Variants in PCNX3 observed in about 807,000 individuals in gnomAD.
The protein encoded by PCNX3 is pecanex-like protein 3.
In PCNX3, 58 loss-of-function variants were observed where a neutral mutation model predicts 207.2. The ratio of observed to expected loss-of-function variants is 0.28; its 90% CI spans 0.23 to 0.35. The LOEUF is 0.35. Ranked by LOEUF, PCNX3 falls within the 10% of genes least tolerant of loss-of-function variation. The probability of loss-of-function intolerance (pLI) is 1.00; values close to 1 mark genes in which losing one functional copy is unlikely to be tolerated. For missense variants in PCNX3, 2,410 were observed against 2,774.4 expected (o/e 0.87, Z 2.95); for synonymous variants, 1,337 against 1,183.5 (o/e 1.13, Z -2.66).
chr11:65,627,184 C>T (rs899137221), intron 21 of PCNX3, 136 bp downstream of exon 21: 132 of 1,293,930 alleles, frequency 1.0e-4, no homozygotes, highest in Non-Finnish European at 1.2e-4. Context: ...GCTCCTGACA[C>T]GCCATCCCAG....
Position 65,635,786 on chromosome 11 carries a change from C to G in PCNX3, c.5442C>G (p.Leu1814=), listed in dbSNP as rs759678570. The G allele has an allele frequency of 1.9e-6, 3 of 1,603,602 alleles. No individual in the cohort carries two copies. Among genetic ancestry groups the G allele is most frequent in the Non-Finnish European group, 2.6e-6 (3 of 1,175,648 alleles). Residue 1814 remains leucine (L), a synonymous_variant, in exon 32 of 35, where the codon CTC becomes CTG. Transcript: ENST00000355703. This position sits in a 1 kb window ranked among gnomAD's most constrained non-coding sequence, Gnocchi z 9.9. ...PISLGAIAHW[L]LRTWERLHKG... Reference sequence around the variant, plus strand: ...GCCTGGGTGCCATTGCCCACTGGCTCCTGCGCACCTGGGAGAGGTGAGGCC... The same window carrying G: ...GCCTGGGTGCCATTGCCCACTGGCTGCTGCGCACCTGGGAGAGGTGAGGCC...
rs1352199520 is a variant in PCNX3, at chr11:65,616,628, G to A, written c.153+164G>A. Among the ~76,000 whole-genome samples the A allele has an allele frequency of 5.9e-5, 9 of 152,312 alleles. No individual in the cohort carries two copies. The East Asian group carries it at 1.3e-3, about 23-fold the overall frequency. On this transcript the variant is annotated intron_variant, in intron 1 of 34. Transcript: ENST00000355703. The stretch of plus-strand genomic sequence containing the variant: ...AAAGTCTTCCTTTCTTGGATCGAGT[G>A]ACCTTGAACCCTACACTTAATCTCA...
intron 8 of PCNX3, 142 bp downstream of exon 8, chr11:65,620,074 G>A (rs1293346870): frequency 1.0e-6 from 1 of 988,962 alleles, no homozygotes; most frequent in African/African-American, 1.6e-5. Flanking sequence ...GCCTCTTTGA[G>A]GCACGGTGTC....
chr11:65,621,089 C>T (rs1377364422), intron 10 of PCNX3, 123 bp downstream of exon 10: 29 of 1,276,342 alleles, frequency 2.3e-5, no homozygotes, highest in South Asian at 1.4e-4. Context: ...GCTGAGTGAG[C>T]GCTCCAGGGG....
chr11:65,633,229 C>T (rs900910567), intron 27 of PCNX3, among the ~76,000 whole-genome samples: 8 of 152,196 alleles, frequency 5.3e-5, no homozygotes, highest in Admixed American at 1.3e-4. Context: ...GGCCTTAACC[C>T]GCCCGTGCAT....
intron 32 of PCNX3, 24 bp from the exon 33 acceptor site, chr11:65,636,150 C>A (rs1230980188): frequency 6.3e-7 from 1 of 1,587,942 alleles, no homozygotes; most frequent in South Asian, 1.1e-5. Context: ...CCTCCTGATC[C>A]CTTTTCTACC....
At chr11:65,633,806 G>A (rs1040901172) in intron 27 of PCNX3, among the ~76,000 whole-genome samples, 1 of 152,228 alleles carries the variant, frequency 6.6e-6, no homozygotes, top group African/African-American at 2.4e-5. Flanking sequence ...GCTGCCATTT[G>A]TTTGAGCCTC....
intron 22 of PCNX3, among the ~76,000 whole-genome samples, chr11:65,627,892 T>C (rs1855468968): frequency 6.6e-6 from 1 of 152,152 alleles, no homozygotes; most frequent in African/African-American, 2.4e-5. Context: ...CCTGGCCTTA[T>C]CCTCTGGACG....
chr11:65,619,961 G>C (rs1854995500), intron 8 of PCNX3, 29 bp downstream of exon 8: 1 of 1,570,850 alleles, frequency 6.4e-7, no homozygotes, highest in East Asian at 2.3e-5. Context: ...CGGTGGCCCA[G>C]TGCCTCCCCG....
In PCNX3 at chr11:65,635,184, G is replaced by A; in HGVS notation, c.4954-34G>A. ...GGATGAAGCCTCTCTCCAGGGCAGG[G>A]GCCACTGACCCCTGTTCCCGTCTTC... On this transcript the variant is annotated intron_variant, in intron 30 of 34. Coordinates refer to ENST00000355703, the MANE Select transcript of PCNX3 (RefSeq NM_032223.4). This position sits in a 1 kb window ranked among gnomAD's most constrained non-coding sequence, Gnocchi z 9.9. 1 of 1,599,086 alleles carries A rather than the reference G, an allele frequency of 6.3e-7. No homozygotes were observed. Among genetic ancestry groups the A allele is most frequent in the South Asian group, 1.1e-5 (1 of 89,564 alleles).
At chr11:65,629,233 C>T (rs757776736) in intron 24 of PCNX3, 124 bp from the exon 25 acceptor site, 11 of 1,070,932 alleles carry the variant, frequency 1.0e-5, no homozygotes, top group Non-Finnish European at 9.8e-6. Context: ...TCAGTCTCCT[C>T]ATCTGCCTGC....
intron 22 of PCNX3, among the ~76,000 whole-genome samples, chr11:65,627,821 T>A (rs1855466266): frequency 6.6e-6 from 1 of 152,156 alleles, no homozygotes; most frequent in Non-Finnish European, 1.5e-5. Context: ...CAGCCAGGAT[T>A]TGAACCCAGG....
Position 65,633,420 on chromosome 11 carries a change from C to CT in PCNX3, c.4471-705dup, listed in dbSNP as rs554356539. ...TAAAGGGACCTGTGACCCAGGCACT[C>CT]TGAGGCAGGCCCACTACTTCAGCCT... On this transcript the variant is annotated intron_variant, in intron 27 of 34. Coordinates refer to ENST00000355703, the MANE Select transcript of PCNX3 (RefSeq NM_032223.4). 2.0e-3 allele frequency among the ~76,000 whole-genome samples: 309 copies of CT among 152,320 alleles called. 7 individuals are homozygous for CT. Among genetic ancestry groups the CT allele is most frequent in the Admixed American group, 0.02 (302 of 15,310 alleles).
chr11:65,616,567 T>G, intron 1 of PCNX3, 103 bp downstream of exon 1: 1 of 1,357,392 alleles, frequency 7.4e-7, no homozygotes, highest in African/African-American at 1.5e-5. Flanking sequence ...GAGAGAGGAA[T>G]CACTGCAGAG....
chr11:65,636,845 C>T lies in PCNX3; in HGVS notation c.5972C>T (p.Ser1991Phe). The change falls in exon 35 of 35, where the codon TCC (serine) becomes TTC (phenylalanine). Residue 1991 changes from serine to phenylalanine, a missense_variant. Around this residue, in one of 8 missense-constraint regions of PCNX3, gnomAD observed 278 missense variants for 245.1 expected, o/e 1.13. Transcript: ENST00000355703. ...ACTGAGGCCTCACCCCCCAGAGCTT[C>T]CCAGGACATTCCTTGCTTGGACAGC... ...VSTEASPPRA[S>F]QDIPCLDSSA... 1 of 1,551,300 alleles carries T rather than the reference C, an allele frequency of 6.4e-7. No homozygotes were observed. Among genetic ancestry groups the T allele is most frequent in the Non-Finnish European group, 8.7e-7 (1 of 1,147,008 alleles).
intron 6 of PCNX3, 33 bp downstream of exon 6, chr11:65,619,100 G>A: frequency 6.5e-7 from 1 of 1,537,158 alleles, no homozygotes; most frequent in Non-Finnish European, 8.8e-7. Flanking sequence ...GGGGCTGGGG[G>A]ACGTGAGCTA....
Position 65,619,644 on chromosome 11 carries a change from A to G in PCNX3, c.1813A>G (p.Met605Val). 3 of 1,600,270 alleles carry G rather than the reference A, an allele frequency of 1.9e-6. No homozygotes were observed. Among genetic ancestry groups the G allele is most frequent in the East Asian group, 2.2e-5 (1 of 44,706 alleles). ...CAACCCCACCCCTCCAGCCTCTGTCATGGGCTCGCCGCCCAGGTGAGCACC... is the reference window on the plus strand; with the variant it reads ...CAACCCCACCCCTCCAGCCTCTGTCGTGGGCTCGCCGCCCAGGTGAGCACC... The part of the protein sequence containing the change: ...GSNPTPPASV[M>V]GSPPSSLQEA... Residue 605 changes from methionine (M) to valine (V), a missense_variant, in exon 7 of 35, where the codon ATG (methionine) becomes GTG (valine). Physicochemically the swap from Met to Val is conservative, Grantham distance 21. This residue lies in a region of PCNX3 where 1,104 missense variants were observed against 970.3 expected (regional missense o/e 1.14). Coordinates refer to ENST00000355703, the MANE Select transcript of PCNX3 (RefSeq NM_032223.4).
intron 22 of PCNX3, among the ~76,000 whole-genome samples, chr11:65,628,376 C>CATT (rs2135458846): frequency 6.6e-6 from 1 of 152,334 alleles, no homozygotes; most frequent in African/African-American, 2.4e-5. Flanking sequence ...CTTGTGTGAA[C>CATT]TAAATGGCCA....
rs1234873236 is a variant in PCNX3 at position 65,622,120 on chromosome 11, T to TCCA, written c.2236-124_2236-123insCAC. 36 of 1,429,124 alleles carry TCCA rather than the reference T, an allele frequency of 2.5e-5. No individual in the cohort carries two copies. The African/African-American group carries it at 5.3e-4, about 21-fold the overall frequency. 88.5% of individuals were successfully genotyped at this position (1,429,124 alleles called of 1,614,324 possible). A position where few individuals can be genotyped will look rare whatever the true frequency, so the allele number is the denominator to read the frequency against. Reference sequence around the variant, plus strand: ...GGCCTTTATGTGCTGATGGAAATGGTCAACCAGACCGGTGTGCTGAAGGGG... The same window carrying TCCA: ...GGCCTTTATGTGCTGATGGAAATGGTCCACAACCAGACCGGTGTGCTGAAGGGG... On this transcript the variant is annotated intron_variant, in intron 10 of 34. Transcript: ENST00000355703.
Sources: gnomAD v4.1 joint callset for allele counts (sites outside exome capture counted in the v4.1 genomes callset) on GRCh38, gnomAD v4.1.1 for gene constraint, gnomAD v4.1.1 regional missense constraint, Gnocchi (gnomAD v3.1) non-coding constraint, MANE v1.5 for transcripts, NCBI Gene and HGNC (gene_info 2026-07-23, HGNC 2026-07-21) for gene names.